Variants in RBM19 observed in about 807,000 individuals in gnomAD.
RBM19 encodes the protein probable RNA-binding protein 19.
Under a neutral mutation model 116.8 loss-of-function variants are expected in RBM19, and 94 were observed. That is an observed-to-expected ratio of 0.80 (90% CI 0.68 to 0.95). The LOEUF (loss-of-function observed/expected upper bound fraction) is 0.95, where lower values mean the gene tolerates loss of function less well. Among genes scored for constraint, RBM19 ranks in the 40% least tolerant of loss-of-function variants. The pLI, the probability that RBM19 is intolerant of heterozygous loss-of-function variation, is 0.00. For synonymous variants in RBM19, 475 were observed against 494.1 expected (o/e 0.96, Z 0.51); for missense variants, 1,161 against 1,220.7 (o/e 0.95, Z 0.73).
Position 113,948,957 on chromosome 12 carries a change from C to A in RBM19, c.1152G>T (p.Trp384Cys). 1 of 1,614,200 alleles carries A rather than the reference C, an allele frequency of 6.2e-7. No individual in the cohort carries two copies. Among genetic ancestry groups the A allele is most frequent in the East Asian group, 2.2e-5 (1 of 44,886 alleles). The part of the protein sequence containing the change: ...KGAPKNTTKS[W>C]QGRILGENEE... ...CGTTCTCCCCGAGTATCCGGCCTTG[C>A]CAGGATTTGGTGGTATTCTTTGGTG... is the stretch of plus-strand genomic sequence containing the variant. The change falls in exon 10 of 24, where the codon TGG becomes TGT. Residue 384 changes from tryptophan to cysteine, a missense_variant. Transcript: ENST00000261741.
At position 113,823,150 on chromosome 12, in the gene RBM19, G is replaced by A; in HGVS notation, c.*74C>T. 7.1e-7 allele frequency: 1 copy of A among 1,408,552 alleles called. No homozygotes were observed. The highest frequency in any genetic ancestry group is 9.8e-7 in the Non-Finnish European group (1 of 1,018,666). The allele number at this position is 1,408,552 out of a possible 1,614,324, so 87.3% of individuals were successfully genotyped here. ...CCCGCCCCGCCCCCCAGCCCACATG[G>A]TGGTGAGTGCAGAAGCTGGAGCGGC... On this transcript the variant is annotated 3_prime_UTR_variant, in exon 24 of 24. Coordinates refer to ENST00000261741, the MANE Select transcript of RBM19 (RefSeq NM_016196.4).
chr12:113,942,473 G>A (rs761237505), intron 13 of RBM19, 39 bp from the exon 14 acceptor site: 22 of 1,541,438 alleles, frequency 1.4e-5, no homozygotes, highest in Middle Eastern at 3.4e-4. Context: ...TTGGCTGTCG[G>A]CCAGGTGACT....
intron 21 of RBM19, 124 bp downstream of exon 21, chr12:113,914,845 C>T: frequency 1.2e-6 from 1 of 819,830 alleles, no homozygotes; most frequent in Admixed American, 2.0e-5. Context: ...AAAAGATGAC[C>T]TTTGAAAGAC....
At chr12:113,905,268 C>G (rs144031711) in intron 21 of RBM19, among the ~76,000 whole-genome samples, 1 of 152,096 alleles carries the variant, frequency 6.6e-6, no homozygotes, top group East Asian at 1.9e-4. Flanking sequence ...CAAATAGACC[C>G]GGGGAGCAGA....
intron 13 of RBM19, 130 bp from the exon 14 acceptor site, chr12:113,942,564 C>A: frequency 1.8e-5 from 11 of 617,230 alleles, no homozygotes; most frequent in Non-Finnish European, 2.8e-5. Flanking sequence ...CACCTTCCTA[C>A]ATTGATCAGA....
rs146299836 is a variant in RBM19 at position 113,961,018 on chromosome 12, C to T, written c.220-840G>A. On this transcript the variant is annotated intron_variant, in intron 2 of 23. Transcript: ENST00000261741. ...CACTGCCCCTGGGGGAAGGAGCTGCCATCTGGTTGCAATCCTTTTTAAGAC... is the reference window on the plus strand; with the variant it reads ...CACTGCCCCTGGGGGAAGGAGCTGCTATCTGGTTGCAATCCTTTTTAAGAC... 3.3e-5 allele frequency among the ~76,000 whole-genome samples: 5 copies of T among 152,282 alleles called. No homozygotes were observed. In the East Asian group the frequency reaches 9.7e-4, roughly 29 times the overall value.
At chr12:113,851,966 G>A (rs1168321583) in intron 22 of RBM19, among the ~76,000 whole-genome samples, 4 of 151,926 alleles carry the variant, frequency 2.6e-5, no homozygotes, top group Non-Finnish European at 4.4e-5. Flanking sequence ...CAGGAGAATC[G>A]CTTGAACCGA....
intron 16 of RBM19, among the ~76,000 whole-genome samples, chr12:113,928,226 A>C (rs1215147578): frequency 1.3e-5 from 2 of 152,106 alleles, no homozygotes; most frequent in Non-Finnish European, 2.9e-5. Context: ...GATCCCAGCT[A>C]CTTGGGAGGC....
chr12:113,909,160 T>C (rs1389831162), intron 21 of RBM19, among the ~76,000 whole-genome samples: 1 of 152,094 alleles, frequency 6.6e-6, no homozygotes, highest in African/African-American at 2.4e-5. Context: ...TCTCACTCTG[T>C]TGCACAGGCT....
chr12:113,897,461 C>T (rs567031653), intron 21 of RBM19, among the ~76,000 whole-genome samples: 2 of 152,344 alleles, frequency 1.3e-5, no homozygotes, highest in African/African-American at 2.4e-5. Context: ...TCATGGCACC[C>T]GGCCCAGAGT....
intron 17 of RBM19, among the ~76,000 whole-genome samples, chr12:113,925,415 C>T (rs1264936961): frequency 6.6e-6 from 1 of 152,162 alleles, no homozygotes; most frequent in African/African-American, 2.4e-5. Context: ...CTCCTTCATC[C>T]AAATCATCAA....
At chr12:113,868,546 CCT>C (rs1271815245) in intron 21 of RBM19, among the ~76,000 whole-genome samples, 7 of 152,170 alleles carry the variant, frequency 4.6e-5, no homozygotes, top group African/African-American at 1.7e-4. Flanking sequence ...CTGCTGCAGA[CCT>C]TGACAGTGCC....
chr12:113,840,119 T>C (rs912595518), intron 23 of RBM19, among the ~76,000 whole-genome samples: 4 of 152,256 alleles, frequency 2.6e-5, no homozygotes, highest in Admixed American at 2.0e-4. Flanking sequence ...CAAAGTTTCA[T>C]GGATTCTTAG....
intron 21 of RBM19, among the ~76,000 whole-genome samples, chr12:113,894,796 C>T (rs972728259): frequency 9.2e-5 from 14 of 152,340 alleles, no homozygotes; most frequent in African/African-American, 3.4e-4. Flanking sequence ...AGAGCAGAGT[C>T]CAAGCACTGG....
intron 23 of RBM19, among the ~76,000 whole-genome samples, chr12:113,836,627 C>T (rs61930703): frequency 3.3e-5 from 5 of 151,770 alleles, no homozygotes; most frequent in African/African-American, 7.2e-5. Flanking sequence ...CAGGACATTA[C>T]GGTTGCTGCT....
intron 21 of RBM19, among the ~76,000 whole-genome samples, chr12:113,911,021 C>G (rs753579765): frequency 3.4e-5 from 5 of 148,964 alleles, no homozygotes; most frequent in Admixed American, 6.7e-5. Context: ...GTGCAACATA[C>G]CTACTCCAGA....
chr12:113,918,761 C>T (rs1388887543), intron 19 of RBM19, among the ~76,000 whole-genome samples: 1 of 152,224 alleles, frequency 6.6e-6, no homozygotes, highest in Non-Finnish European at 1.5e-5. Flanking sequence ...AAGTAAGGCC[C>T]TTAGGTCTGG....
rs116585771 is a variant in RBM19 at position 113,936,374 on chromosome 12, T to A, written c.2068+633A>T. 8.6e-3 allele frequency among the ~76,000 whole-genome samples: 1,309 copies of A among 152,300 alleles called. 14 individuals carry two copies. Among genetic ancestry groups the A allele is most frequent in the African/African-American group, 0.03 (1,246 of 41,566 alleles). On this transcript the variant is annotated intron_variant, in intron 16 of 23. Coordinates refer to ENST00000261741, the MANE Select transcript of RBM19 (RefSeq NM_016196.4). ...GGATACACTGCCCGCTGTGGGCATCTAGGAATGCGTGGGGGTGTTCCAGGT... is the reference window on the plus strand; with the variant it reads ...GGATACACTGCCCGCTGTGGGCATCAAGGAATGCGTGGGGGTGTTCCAGGT...
rs1329240089 is a variant in RBM19 at position 113,959,163 on chromosome 12, G to A, written c.571+49C>T. 7 of 1,565,098 alleles carry A rather than the reference G, an allele frequency of 4.5e-6. No homozygotes were observed. In the Admixed American group the frequency reaches 5.2e-5, roughly 12 times the overall value. On this transcript the variant is annotated intron_variant, in intron 5 of 23. Transcript: ENST00000261741. ...GGCCCCCAGTGCCGGTTAGCCCAAT[G>A]GCAAGCACAGGTCCGTGCGCATGGA...
Sources: gnomAD v4.1 joint callset for allele counts (sites outside exome capture counted in the v4.1 genomes callset) on GRCh38, gnomAD v4.1.1 for gene constraint, MANE v1.5 for transcripts, NCBI Gene and HGNC (gene_info 2026-07-23, HGNC 2026-07-21) for gene names.